Variants in PCDHGB7 observed in about 807,000 individuals in gnomAD.
PCDHGB7 encodes protocadherin gamma subfamily B, 7, also known as protocadherin gamma-B7.
A neutral mutation model predicts 61.4 loss-of-function variants in PCDHGB7; 37 were observed. That is an observed-to-expected ratio of 0.60 (90% CI 0.46 to 0.79). PCDHGB7 has a LOEUF of 0.79. Among genes scored for constraint, PCDHGB7 ranks in the 30% least tolerant of loss-of-function variants. The pLI, the probability that PCDHGB7 is intolerant of heterozygous loss-of-function variation, is 0.00. For synonymous variants in PCDHGB7, 464 were observed against 503.5 expected (o/e 0.92, Z 1.05); for missense variants, 1,166 against 1,202.5 (o/e 0.97, Z 0.45).
At chr5:141,442,403 G>A (rs1042068651) in intron 1 of PCDHGB7, 2 of 152,168 alleles carry the variant, frequency 1.3e-5, no homozygotes, top group African/African-American at 4.8e-5. Context: ...TACGAATCCA[G>A]GGCTGAGTGA....
intron 1 of PCDHGB7, among the ~76,000 whole-genome samples, chr5:141,425,691 T>C (rs1411905655): frequency 6.6e-6 from 1 of 152,238 alleles, no homozygotes. Context: ...TGCATATCAT[T>C]TCATAGTGGT....
At chr5:141,510,277 A>C (rs1242709133) in intron 3 of PCDHGB7, among the ~76,000 whole-genome samples, 5 of 151,916 alleles carry the variant, frequency 3.3e-5, no homozygotes, top group Admixed American at 2.6e-4. Flanking sequence ...CATCTTAAAA[A>C]AAAAAAAAAA....
chr5:141,487,355 G>A lies in PCDHGB7; in HGVS notation c.2416-7452G>A. ...AGCCTGTGGAGTCACATGCTTTCCT[G>A]CTGGCACCTGTGCCTGTCTCACCAG... On this transcript the variant is annotated intron_variant, in intron 1 of 3. Coordinates refer to ENST00000398594, the MANE Select transcript of PCDHGB7 (RefSeq NM_018927.4). This position sits in a 1 kb window ranked among gnomAD's most constrained non-coding sequence, Gnocchi z 5.0. 1 of 1,614,150 alleles carries A rather than the reference G, an allele frequency of 6.2e-7. No homozygotes were observed. Among genetic ancestry groups the A allele is most frequent in the South Asian group, 1.1e-5 (1 of 91,090 alleles).
rs1243327893 is a variant in PCDHGB7, at chr5:141,491,671, C to G, written c.2416-3136C>G. 1 of 1,613,484 alleles carries G rather than the reference C, an allele frequency of 6.2e-7. No homozygotes were observed. Among genetic ancestry groups the G allele is most frequent in the Admixed American group, 1.7e-5 (1 of 60,034 alleles). On this transcript the variant is annotated intron_variant, in intron 1 of 3. Transcript: ENST00000398594. This position sits in a 1 kb window ranked among gnomAD's most constrained non-coding sequence, Gnocchi z 6.9. ...GCTGGAGCCTGACGCCATCCGGTCC[C>G]GCTCTAATACGCTGCGGGAGCGGAG...
intron 1 of PCDHGB7, among the ~76,000 whole-genome samples, chr5:141,483,084 C>CA (rs898059463): frequency 8.0e-5 from 12 of 150,326 alleles, no homozygotes; most frequent in Admixed American, 2.0e-4. Context: ...GACTCCATCT[C>CA]AAAAAAAAAG....
intron 1 of PCDHGB7, chr5:141,421,450 C>A (rs1193440607): frequency 2.5e-6 from 4 of 1,614,126 alleles, no homozygotes; most frequent in Non-Finnish European, 3.4e-6. Flanking sequence ...GAAGACACAG[C>A]TTTTCGCTGT....
chr5:141,436,590 C>T (rs1050788291), intron 1 of PCDHGB7, among the ~76,000 whole-genome samples: 10 of 152,102 alleles, frequency 6.6e-5, no homozygotes, highest in East Asian at 1.9e-4. Context: ...TTTGAAAGGT[C>T]GTGGTGATGG....
chr5:141,478,635 A>T, intron 1 of PCDHGB7: 1 of 1,552,830 alleles, frequency 6.4e-7, no homozygotes, highest in Non-Finnish European at 8.7e-7. Context: ...TTTTTTAGTG[A>T]TGAAGATGTT....
rs771124496 is a variant in PCDHGB7, at chr5:141,489,457, C to A, written c.2416-5350C>A. The A allele has an allele frequency of 6.2e-7, 1 of 1,613,882 alleles. No homozygotes were observed. The highest frequency in any genetic ancestry group is 8.5e-7 in the Non-Finnish European group (1 of 1,179,984). ...GCAATTGGGCTCTGAGGAGAATGGG[C>A]GCTATTTTTCCCTGAGCTTGATGAG... On this transcript the variant is annotated intron_variant, in intron 1 of 3. Coordinates refer to ENST00000398594, the MANE Select transcript of PCDHGB7 (RefSeq NM_018927.4). This position sits in a 1 kb window ranked among gnomAD's most constrained non-coding sequence, Gnocchi z 4.5.
In PCDHGB7 at chr5:141,482,160, T is replaced by C. The variant is rs577572891; in HGVS notation, c.2416-12647T>C. Reference sequence around the variant, plus strand: ...GCATAAAAAGGTCAAGTCAAAGATATGTAAGATTAAGGCTTTACGATGCTC... The same window carrying C: ...GCATAAAAAGGTCAAGTCAAAGATACGTAAGATTAAGGCTTTACGATGCTC... On this transcript the variant is annotated intron_variant, in intron 1 of 3. Coordinates refer to ENST00000398594, the MANE Select transcript of PCDHGB7 (RefSeq NM_018927.4). 1.6e-4 allele frequency among the ~76,000 whole-genome samples: 25 copies of C among 151,966 alleles called. No homozygotes were observed. In the South Asian group the frequency reaches 4.0e-3, roughly 24 times the overall value.
At position 141,477,706 on chromosome 5, in the gene PCDHGB7, G is replaced by A. The variant is rs1490514142; in HGVS notation, c.2416-17101G>A. 6 of 1,613,988 alleles carry A rather than the reference G, an allele frequency of 3.7e-6. No homozygotes were observed. Among genetic ancestry groups the A allele is most frequent in the Non-Finnish European group, 5.1e-6 (6 of 1,180,044 alleles). ...TAGTGCCCCTAGACTATGAGGATCGGCGGGAATTTGAATTAACAGCTCATA... is the reference window on the plus strand; with the variant it reads ...TAGTGCCCCTAGACTATGAGGATCGACGGGAATTTGAATTAACAGCTCATA... On this transcript the variant is annotated intron_variant, in intron 1 of 3. Transcript: ENST00000398594. This position sits in a 1 kb window ranked among gnomAD's most constrained non-coding sequence, Gnocchi z 4.9.
chr5:141,508,139 G>C (rs1243018384), intron 3 of PCDHGB7: 1 of 152,514 alleles, frequency 6.6e-6, no homozygotes, highest in African/African-American at 2.4e-5. Flanking sequence ...CAGGGAGCTG[G>C]GGGCTGAGTT....
chr5:141,508,901 C>T (rs1466455227), intron 3 of PCDHGB7, among the ~76,000 whole-genome samples: 1 of 151,946 alleles, frequency 6.6e-6, no homozygotes, highest in South Asian at 2.1e-4. Flanking sequence ...GGGGGCGGGG[C>T]GGTGGCGGAT....
chr5:141,441,103 A>C (rs2098225469), intron 1 of PCDHGB7: 1 of 152,198 alleles, frequency 6.6e-6, no homozygotes, highest in Non-Finnish European at 1.5e-5. Flanking sequence ...AGAGGGACTC[A>C]TTGTCCAGTG....
chr5:141,447,430 A>G (rs960560239), intron 1 of PCDHGB7, among the ~76,000 whole-genome samples: 9 of 152,156 alleles, frequency 5.9e-5, no homozygotes, highest in African/African-American at 2.2e-4. Flanking sequence ...GAGCCACCGC[A>G]CCCGGAGGAA....
At chr5:141,427,088 T>C in intron 1 of PCDHGB7, 1 of 458,156 alleles carries the variant, frequency 2.2e-6, no homozygotes. Flanking sequence ...CTGACCAGGA[T>C]GAGGGTGTCA....
At position 141,430,860 on chromosome 5, in the gene PCDHGB7, C is replaced by G. The variant is rs773955533; in HGVS notation, c.2415+10586C>G. ...ACCGGATGCACCCAGATACGCTATTCAGTTCCGGAAGAGCTGGAGAAAGGC... is the reference window on the plus strand; with the variant it reads ...ACCGGATGCACCCAGATACGCTATTGAGTTCCGGAAGAGCTGGAGAAAGGC... On this transcript the variant is annotated intron_variant, in intron 1 of 3. Transcript: ENST00000398594. 4 of 1,592,382 alleles carry G rather than the reference C, an allele frequency of 2.5e-6. No individual in the cohort carries two copies. In the South Asian group the frequency reaches 4.6e-5, roughly 18 times the overall value.
chr5:141,421,420 G>C, intron 1 of PCDHGB7: 1 of 1,614,084 alleles, frequency 6.2e-7, no homozygotes, highest in Non-Finnish European at 8.5e-7. Context: ...GAAGCGCGGA[G>C]TCCGCATCGT....
intron 1 of PCDHGB7, chr5:141,427,320 G>GT: frequency 2.2e-6 from 1 of 457,086 alleles, no homozygotes; most frequent in Non-Finnish European, 4.4e-6. Context: ...CCCAGACGTG[G>GT]TTTTTACTTC....
Sources: gnomAD v4.1 joint callset for allele counts (sites outside exome capture counted in the v4.1 genomes callset) on GRCh38, gnomAD v4.1.1 for gene constraint, Gnocchi (gnomAD v3.1) non-coding constraint, MANE v1.5 for transcripts, NCBI Gene and HGNC (gene_info 2026-07-23, HGNC 2026-07-21) for gene names.